The following MORC1 variants were observed in gnomAD, a reference collection of about 807,000 sequenced individuals.
MORC1 encodes MORC family CW-type zinc finger protein 1.
Under a neutral mutation model 134.9 loss-of-function variants are expected in MORC1, and 59 were observed. That is an observed-to-expected ratio of 0.44 (90% CI 0.35 to 0.54). MORC1 has a LOEUF of 0.54. MORC1 is among the 20% of genes least tolerant of loss of function. The probability of loss-of-function intolerance (pLI) is 0.00; values close to 1 mark genes in which losing one functional copy is unlikely to be tolerated. For missense variants in MORC1, 947 were observed against 1,134.5 expected, an observed-to-expected ratio of 0.83 and a Z score of 2.37; for synonymous variants, 395 against 391.7, an observed-to-expected ratio of 1.01 and a Z score of -0.10.
intron 9 of MORC1, among the ~76,000 whole-genome samples, chr3:109,067,183 T>C (rs937195343): frequency 6.6e-6 from 1 of 152,200 alleles, no homozygotes; most frequent in Non-Finnish European, 1.5e-5. Flanking sequence ...TCCCAACTCA[T>C]TTGGGCTCCT....
At position 109,110,787 on chromosome 3, in the gene MORC1, G is replaced by T; in HGVS notation, c.120-4C>A. ...AAGTCTTTCAGCCCCTGCATCTCTG[G>T]AAACAATACAAAAATATTATTTCTT... On this transcript the variant is annotated splice_region_variant and splice_polypyrimidine_tract_variant and intron_variant, in intron 2 of 27. Coordinates refer to ENST00000232603, the MANE Select transcript of MORC1 (RefSeq NM_014429.4). The T allele has an allele frequency of 6.3e-7, 1 of 1,582,508 alleles. No individual in the cohort carries two copies.
rs766651577 is a variant in MORC1 at position 108,986,887 on chromosome 3, T to C, written c.2250A>G (p.Leu750=). Residue 750 remains leucine (L), a synonymous_variant, in exon 22 of 28, where the codon TTA becomes TTG. Transcript: ENST00000232603. ...LKQEKKEIPL[L]NQEKQELCND... ...GAGCTGATTTTTTTTTACCTTGGTTTAAAAGAGGAATTTCCTTTTTTTCTT... is the reference window on the plus strand; with the variant it reads ...GAGCTGATTTTTTTTTACCTTGGTTCAAAAGAGGAATTTCCTTTTTTTCTT... 6.4e-7 allele frequency: 1 copy of C among 1,563,872 alleles called. No homozygotes were observed. The highest frequency in any genetic ancestry group is 8.6e-7 in the Non-Finnish European group (1 of 1,157,572).
chr3:109,070,485 T>C (rs767087722), intron 8 of MORC1, among the ~76,000 whole-genome samples: 4 of 152,176 alleles, frequency 2.6e-5, no homozygotes, highest in Admixed American at 1.3e-4. Flanking sequence ...AGTCCGTTTA[T>C]GAACTGTAAA....
At chr3:109,045,461 C>T (rs1949672424) in intron 14 of MORC1, among the ~76,000 whole-genome samples, 1 of 152,166 alleles carries the variant, frequency 6.6e-6, no homozygotes, top group Admixed American at 6.5e-5. Context: ...ATAATGTCAA[C>T]TCCAATCAGT....
chr3:108,990,218 A>C (rs2593968), intron 21 of MORC1, among the ~76,000 whole-genome samples: 63,885 of 151,972 alleles, frequency 0.42, 14,111 homozygotes, highest in Middle Eastern at 0.55. Context: ...CCTTTATGGA[A>C]CACATTTTCT....
Position 109,060,997 on chromosome 3 carries a change from G to GA in MORC1, c.966+990dup, listed in dbSNP as rs369165260. 1.5e-3 allele frequency among the ~76,000 whole-genome samples: 221 copies of GA among 145,924 alleles called. No homozygotes were observed. The East Asian group carries it at 0.02, about 13-fold the overall frequency. ...GTTTACCCTTAATTTAAAAAAAAAT[G>GA]AAAAAAAAAAACTAAGAGAATTTGG... On this transcript the variant is annotated intron_variant, in intron 11 of 27. Coordinates refer to ENST00000232603, the MANE Select transcript of MORC1 (RefSeq NM_014429.4).
chr3:109,032,893 T>C (rs1020358835), intron 15 of MORC1, 68 bp from the exon 16 acceptor site: 2 of 1,016,708 alleles, frequency 2.0e-6, no homozygotes, highest in African/African-American at 1.6e-5. Context: ...AGATGTCAGT[T>C]TGCACATATC....
At position 109,021,365 on chromosome 3, in the gene MORC1, C is replaced by T. The variant is rs956572154; in HGVS notation, c.1704+6386G>A. On this transcript the variant is annotated intron_variant, in intron 17 of 27. Transcript: ENST00000232603. ...ATCATTTCAGGCAACACATCTGAAC[C>T]TCTACTCCTCTCTCCATCTCTGCTG... Among the ~76,000 whole-genome samples the T allele has an allele frequency of 6.6e-5, 10 of 152,308 alleles. No homozygotes were observed. The South Asian group carries it at 2.1e-3, about 32-fold the overall frequency.
chr3:108,971,503 GCAA>G, intron 24 of MORC1, 101 bp from the exon 25 acceptor site: 1 of 953,760 alleles, frequency 1.0e-6, no homozygotes, highest in Non-Finnish European at 1.6e-6. Flanking sequence ...AAATATCCTG[GCAA>G]AGATGAACAT....
chr3:108,988,475 A>G (rs762938880), intron 21 of MORC1, among the ~76,000 whole-genome samples: 4 of 152,172 alleles, frequency 2.6e-5, no homozygotes, highest in Non-Finnish European at 5.9e-5. Context: ...TCTGATTAAC[A>G]TAAAATTTAA....
chr3:109,095,205 C>A, intron 6 of MORC1, 137 bp from the exon 7 acceptor site: 2 of 766,670 alleles, frequency 2.6e-6, no homozygotes, highest in Admixed American at 3.4e-5. Flanking sequence ...CTCCTATAAT[C>A]TAGTTGTATA....
chr3:108,982,430 T>C (rs967789213), intron 23 of MORC1, among the ~76,000 whole-genome samples: 2 of 152,078 alleles, frequency 1.3e-5, no homozygotes, highest in African/African-American at 4.8e-5. Flanking sequence ...TAAATCATGC[T>C]ACTATAAAGA....
intron 9 of MORC1, among the ~76,000 whole-genome samples, chr3:109,066,279 T>G: frequency 6.7e-6 from 1 of 150,124 alleles, no homozygotes; most frequent in South Asian, 2.1e-4. Context: ...AGGAATTTTC[T>G]CTTTTTTTCT....
At chr3:109,046,387 G>A (rs957589791) in intron 14 of MORC1, among the ~76,000 whole-genome samples, 4 of 152,246 alleles carry the variant, frequency 2.6e-5, no homozygotes, top group African/African-American at 4.8e-5. Flanking sequence ...TTTTTATTTA[G>A]TCATTGTCAC....
intron 3 of MORC1, among the ~76,000 whole-genome samples, chr3:109,107,800 T>C (rs1403212201): frequency 1.3e-5 from 2 of 152,124 alleles, no homozygotes; most frequent in Non-Finnish European, 2.9e-5. Flanking sequence ...CTTGCCTCAA[T>C]AAAAAATGAA....
intron 17 of MORC1, among the ~76,000 whole-genome samples, chr3:109,020,964 A>C (rs1948944037): frequency 6.6e-6 from 1 of 152,146 alleles, no homozygotes; most frequent in Non-Finnish European, 1.5e-5. Context: ...TTCAAAATGT[A>C]AAGTTAGGTC....
intron 8 of MORC1, among the ~76,000 whole-genome samples, chr3:109,071,318 T>C (rs770276943): frequency 2.0e-5 from 3 of 152,172 alleles, no homozygotes; most frequent in Non-Finnish European, 4.4e-5. Flanking sequence ...GCTAAACATA[T>C]ATATACACAC....
intron 15 of MORC1, among the ~76,000 whole-genome samples, chr3:109,033,286 G>A (rs375462834): frequency 3.7e-5 from 5 of 136,918 alleles, no homozygotes; most frequent in African/African-American, 1.5e-4. Context: ...AGCAAGAAAG[G>A]AGGAAGGAAG....
At chr3:109,079,972 T>C (rs552210760) in intron 8 of MORC1, among the ~76,000 whole-genome samples, 1 of 152,202 alleles carries the variant, frequency 6.6e-6, no homozygotes, top group Non-Finnish European at 1.5e-5. Flanking sequence ...ACATATTATG[T>C]GTCAGGTAGT....
Sources: gnomAD v4.1 joint callset for allele counts (sites outside exome capture counted in the v4.1 genomes callset) on GRCh38, gnomAD v4.1.1 for gene constraint, MANE v1.5 for transcripts, NCBI Gene and HGNC (gene_info 2026-07-23, HGNC 2026-07-21) for gene names.